Variants in ABLIM1 observed in about 807,000 individuals in gnomAD.
ABLIM1 encodes the protein actin-binding LIM protein 1.
A neutral mutation model predicts 107.0 loss-of-function variants in ABLIM1; 40 were observed. The observed-to-expected ratio is 0.37, with a 90% CI of 0.29 to 0.49. The LOEUF (loss-of-function observed/expected upper bound fraction) is 0.49, where lower values mean the gene tolerates loss of function less well. Among genes scored for constraint, ABLIM1 ranks in the 20% least tolerant of loss-of-function variants. The probability of loss-of-function intolerance (pLI) is 0.97; values close to 1 mark genes in which losing one functional copy is unlikely to be tolerated. For synonymous variants in ABLIM1, 357 were observed against 357.3 expected (o/e 1.00, Z 0.01); for missense variants, 857 against 1,008.5 (o/e 0.85, Z 2.04).
At chr10:114,726,312 G>A (rs1168339637) in intron 1 of ABLIM1, among the ~76,000 whole-genome samples, 2 of 152,062 alleles carry the variant, frequency 1.3e-5, no homozygotes, top group Admixed American at 6.6e-5. Context: ...AGAAACATTC[G>A]AGACTGGGTA....
chr10:114,432,925 A>G lies in ABLIM1; in HGVS notation c.*3335T>C, dbSNP rs896297798. On this transcript the variant is annotated 3_prime_UTR_variant, in exon 23 of 23. Transcript: ENST00000533213. The stretch of plus-strand genomic sequence containing the variant: ...ACCCCAAACCAAAATGTAGATGCAT[A>G]GCTAGCTGTGCAAGTTTCCCAATGC... 6.6e-6 allele frequency: 1 copy of G among 152,256 alleles called. No homozygotes were observed. The highest frequency in any genetic ancestry group is 2.4e-5 in the African/African-American group (1 of 41,458). The allele number at this position is 152,256 out of a possible 1,614,324, so 9.4% of individuals were successfully genotyped here.
rs140247872 is a variant in ABLIM1 at position 114,626,687 on chromosome 10, T to A, written c.245-24726A>T. Among the ~76,000 whole-genome samples the A allele has an allele frequency of 4.4e-3, 674 of 152,328 alleles. 6 individuals are homozygous for A. The highest frequency in any genetic ancestry group is 0.015 in the African/African-American group (632 of 41,570). The stretch of plus-strand genomic sequence containing the variant: ...GATGCCTGCGTGTAATGGGTTGGAC[T>A]GCATCACCCTCCAAACTCATCTATT... On this transcript the variant is annotated intron_variant, in intron 1 of 22. Transcript: ENST00000533213.
At chr10:114,490,831 T>G (rs868559724) in intron 7 of ABLIM1, among the ~76,000 whole-genome samples, 2 of 150,246 alleles carry the variant, frequency 1.3e-5, no homozygotes, top group Non-Finnish European at 3.0e-5. Context: ...GTCTTTTTTG[T>G]TTTTTTTCTT....
intron 19 of ABLIM1, 42 bp from the exon 20 acceptor site, chr10:114,440,131 A>T: frequency 6.4e-7 from 1 of 1,573,810 alleles, no homozygotes; most frequent in Non-Finnish European, 8.7e-7. Context: ...GGGAAAGACC[A>T]TGGAAAAGCA....
chr10:114,706,973 T>G (rs779339833), intron 1 of ABLIM1, among the ~76,000 whole-genome samples: 4 of 152,218 alleles, frequency 2.6e-5, no homozygotes, highest in Non-Finnish European at 4.4e-5. Context: ...CAGAATGGTG[T>G]ATTGTAGACC....
At position 114,658,248 on chromosome 10, in the gene ABLIM1, G is replaced by A; in HGVS notation, c.-48C>T. The A allele has an allele frequency of 6.4e-7, 1 of 1,566,070 alleles. No individual in the cohort carries two copies. Among genetic ancestry groups the A allele is most frequent in the Non-Finnish European group, 8.7e-7 (1 of 1,152,710 alleles). On this transcript the variant is annotated 5_prime_UTR_variant, in exon 1 of 23. Coordinates refer to ENST00000533213, the MANE Select transcript of ABLIM1 (RefSeq NM_002313.7). ...TGAGAAATGGGGAGTGGGGACCCAA[G>A]GAGCGGTGCTGCCCCACAATTCTCT...
In ABLIM1 at chr10:114,453,533, C is replaced by A. The variant is rs759521537; in HGVS notation, c.1442-50G>T. 5.8e-6 allele frequency: 8 copies of A among 1,378,014 alleles called. No homozygotes were observed. The Admixed American group carries it at 7.8e-5, about 13-fold the overall frequency. 85.4% of individuals were successfully genotyped at this position (1,378,014 alleles called of 1,614,324 possible). A position where few individuals can be genotyped will look rare whatever the true frequency, so the allele number is the denominator to read the frequency against. ...CAAAATGAGAGAAGGGAGAGAGAAA[C>A]AAAGAAAACAAAGCAAGTGTAATAA... On this transcript the variant is annotated intron_variant, in intron 12 of 22. Coordinates refer to ENST00000533213, the MANE Select transcript of ABLIM1 (RefSeq NM_002313.7).
At chr10:114,559,468 AAAGAAAAAAAG>A (rs1204572659) in intron 4 of ABLIM1, among the ~76,000 whole-genome samples, 2 of 145,738 alleles carry the variant, frequency 1.4e-5, no homozygotes, top group South Asian at 2.2e-4. Context: ...AAAAAGAAAG[AAAGAAAAAAAG>A]AAAAAAGAAA....
At chr10:114,773,448 G>A in the ABLIM1 span, among the ~76,000 whole-genome samples, 111 of 152,266 alleles carry the variant, frequency 7.3e-4, 3 homozygotes, top group Admixed American at 6.7e-3. Flanking sequence ...TAGGCCAGGC[G>A]CGGTGGCTCA....
chr10:114,678,120 A>G (rs1304884915), intron 1 of ABLIM1, among the ~76,000 whole-genome samples: 3 of 150,742 alleles, frequency 2.0e-5, no homozygotes, highest in Non-Finnish European at 4.4e-5. Flanking sequence ...AAATCACTTT[A>G]ATTAGGTATT....
At chr10:114,550,446 G>A (rs1025898676) in intron 4 of ABLIM1, among the ~76,000 whole-genome samples, 3 of 152,014 alleles carry the variant, frequency 2.0e-5, no homozygotes, top group African/African-American at 4.8e-5. Flanking sequence ...CAGAAGGTAC[G>A]GAGATTTCTG....
At chr10:114,798,889 G>A in the ABLIM1 span, among the ~76,000 whole-genome samples, 91 of 152,034 alleles carry the variant, frequency 6.0e-4, no homozygotes, top group Non-Finnish European at 1.0e-3. Context: ...TCCACCTTCT[G>A]GATTCAAGCG....
chr10:114,649,724 C>T (rs181640186), intron 1 of ABLIM1, among the ~76,000 whole-genome samples: 13 of 152,270 alleles, frequency 8.5e-5, no homozygotes, highest in African/African-American at 3.1e-4. Flanking sequence ...AATCACCCAT[C>T]TGCTGACCAC....
At chr10:114,657,754 A>G (rs1591758121) in intron 1 of ABLIM1, among the ~76,000 whole-genome samples, 2 of 152,216 alleles carry the variant, frequency 1.3e-5, no homozygotes, top group East Asian at 1.9e-4. Flanking sequence ...AAAATCCTGG[A>G]CAAAAATATC....
At chr10:114,523,030 T>C (rs1253929048) in intron 6 of ABLIM1, among the ~76,000 whole-genome samples, 1 of 152,130 alleles carries the variant, frequency 6.6e-6, no homozygotes, top group Non-Finnish European at 1.5e-5. Flanking sequence ...CACACACCTG[T>C]AATCCCAGTT....
chr10:114,543,624 A>G (rs539591061), intron 6 of ABLIM1, among the ~76,000 whole-genome samples: 1 of 152,224 alleles, frequency 6.6e-6, no homozygotes, highest in Non-Finnish European at 1.5e-5. Context: ...GAACTCTCAT[A>G]CGTTCTTTAC....
chr10:114,491,883 A>C lies in ABLIM1; in HGVS notation c.895-5T>G, dbSNP rs777985384. 1 of 1,604,400 alleles carries C rather than the reference A, an allele frequency of 6.2e-7. No homozygotes were observed. Among genetic ancestry groups the C allele is most frequent in the Non-Finnish European group, 8.5e-7 (1 of 1,172,276 alleles). ...GTGGTAATGTTTGTCACCTGCCTGCAAGAGAAAAGGTAGGGAACGTTGAGT... is the reference window on the plus strand; with the variant it reads ...GTGGTAATGTTTGTCACCTGCCTGCCAGAGAAAAGGTAGGGAACGTTGAGT... On this transcript the variant is annotated splice_polypyrimidine_tract_variant and splice_region_variant and intron_variant, in intron 6 of 22. Transcript: ENST00000533213.
At chr10:114,568,969 A>G (rs975624333) in intron 4 of ABLIM1, among the ~76,000 whole-genome samples, 14 of 152,360 alleles carry the variant, frequency 9.2e-5, no homozygotes, top group Admixed American at 2.6e-4. Flanking sequence ...ACTAGGAAAC[A>G]TGTTCCCAAA....
intron 17 of ABLIM1, among the ~76,000 whole-genome samples, chr10:114,442,316 T>G (rs2060309841): frequency 6.6e-6 from 1 of 152,180 alleles, no homozygotes; most frequent in Non-Finnish European, 1.5e-5. Flanking sequence ...ACAGCTGGCC[T>G]CCTGGGAGGC....
Sources: gnomAD v4.1 joint callset for allele counts (sites outside exome capture counted in the v4.1 genomes callset) on GRCh38, gnomAD v4.1.1 for gene constraint, MANE v1.5 for transcripts, NCBI Gene and HGNC (gene_info 2026-07-23, HGNC 2026-07-21) for gene names.